The following ZNF697 variants were observed in gnomAD, a reference collection of about 807,000 sequenced individuals.
ZNF697 encodes zinc finger protein 697.
ZNF697 carries 23 observed loss-of-function variants against 32.4 expected under a neutral mutation model. The observed-to-expected ratio is 0.71, with a 90% CI of 0.51 to 1.01. The LOEUF is 1.01. ZNF697 is among the 50% of genes least tolerant of loss of function. The pLI, the probability that ZNF697 is intolerant of heterozygous loss-of-function variation, is 0.00. For synonymous variants in ZNF697, 418 were observed against 337.2 expected, an observed-to-expected ratio of 1.24 and a Z score of -2.62; for missense variants, 930 against 794.0, an observed-to-expected ratio of 1.17 and a Z score of -2.06.
At chr1:119,646,302 TAAC>T (rs970631845) in intron 1 of ZNF697, among the ~76,000 whole-genome samples, 17 of 139,648 alleles carry the variant, frequency 1.2e-4, no homozygotes, top group African/African-American at 4.5e-4. Context: ...AACTTTCCCT[TAAC>T]AACAACCCCC....
At position 119,623,877 on chromosome 1, in the gene ZNF697, C is replaced by A; in HGVS notation, c.466G>T (p.Asp156Tyr). The A allele has an allele frequency of 6.5e-7, 1 of 1,541,430 alleles. No homozygotes were observed. The highest frequency in any genetic ancestry group is 8.8e-7 in the Non-Finnish European group (1 of 1,141,024). ...HLSLGSRHRG[D>Y]KPAHRRFHRL... ...TGGAAGCGGCGGTGGGCGGGCTTGT[C>A]ACCTCGGTGCCGACTCCCCAGGGAG... is the stretch of plus-strand genomic sequence containing the variant. Residue 156 changes from aspartate (D) to tyrosine (Y), a missense_variant, in exon 3 of 3, where the codon GAC becomes TAC. Coordinates refer to ENST00000421812, the MANE Select transcript of ZNF697 (RefSeq NM_001080470.2).
rs1322642948 is a variant in ZNF697 at position 119,619,609 on chromosome 1, G to A, written c.*3096C>T. On this transcript the variant is annotated 3_prime_UTR_variant, in exon 3 of 3. Transcript: ENST00000421812. The stretch of plus-strand genomic sequence containing the variant: ...TTATTCACTATTTTAACAAACAGCT[G>A]TAAAATAACATTACAGTGAAGAAAA... The A allele has an allele frequency of 6.6e-6, 1 of 152,594 alleles. No individual in the cohort carries two copies. Among genetic ancestry groups the A allele is most frequent in the Non-Finnish European group, 1.5e-5 (1 of 68,030 alleles). The allele number at this position is 152,594 out of a possible 1,614,324, so 9.5% of individuals were successfully genotyped here. A position where few individuals can be genotyped will look rare whatever the true frequency, so the allele number is the denominator to read the frequency against.
rs1649257039 is a variant in ZNF697 at position 119,647,858 on chromosome 1, C to T, written c.-205G>A. 6.5e-6 allele frequency: 1 copy of T among 152,684 alleles called. No homozygotes were observed. Among genetic ancestry groups the T allele is most frequent in the Admixed American group, 6.5e-5 (1 of 15,288 alleles). 9.5% of individuals were successfully genotyped at this position (152,684 alleles called of 1,614,324 possible). On this transcript the variant is annotated 5_prime_UTR_variant, in exon 1 of 3. Transcript: ENST00000421812. ...CTCGCCACATACCCCTGAGGGAGCT[C>T]AGTCCTGGCTTTGGGGGCGCGAGAG...
Position 119,623,498 on chromosome 1 carries a change from A to T in ZNF697, c.845T>A (p.Leu282Gln). 6.4e-7 allele frequency: 1 copy of T among 1,569,546 alleles called. No homozygotes were observed. Among genetic ancestry groups the T allele is most frequent in the Admixed American group, 1.8e-5 (1 of 55,480 alleles). Residue 282 changes from leucine to glutamine, a missense_variant, in exon 3 of 3, where the codon CTG (leucine) becomes CAG (glutamine). Physicochemically the swap from Leu to Gln is moderately radical, Grantham distance 113. Transcript: ENST00000421812. ...RNTYLTNHLR[L>Q]HTGERPNLCA... ...CAGGTTGGGCCGCTCGCCCGTGTGC[A>T]GGCGCAGGTGGTTGGTCAGGTAGGT... is the stretch of plus-strand genomic sequence containing the variant.
chr1:119,625,788 G>A, intron 2 of ZNF697, 87 bp downstream of exon 2: 1 of 1,519,970 alleles, frequency 6.6e-7, no homozygotes, highest in Non-Finnish European at 8.9e-7. Context: ...CCCTTACAGA[G>A]AATGCTGTCG....
At chr1:119,630,759 G>A (rs1648738031) in intron 1 of ZNF697, among the ~76,000 whole-genome samples, 1 of 152,132 alleles carries the variant, frequency 6.6e-6, no homozygotes, top group Non-Finnish European at 1.5e-5. Flanking sequence ...CTACTTGGGA[G>A]GCTGAGGCAG....
rs147340705 is a variant in ZNF697 at position 119,645,558 on chromosome 1, G to A, written c.-38+2133C>T. On this transcript the variant is annotated intron_variant, in intron 1 of 2. Coordinates refer to ENST00000421812, the MANE Select transcript of ZNF697 (RefSeq NM_001080470.2). ...GCATGGGGTTCAACCGGACAGTCACGGAGGTAGAAGAATGTCTGTTGCATC... is the reference window on the plus strand; with the variant it reads ...GCATGGGGTTCAACCGGACAGTCACAGAGGTAGAAGAATGTCTGTTGCATC... Among the ~76,000 whole-genome samples the A allele has an allele frequency of 2.9e-4, 44 of 152,296 alleles. 1 individual carries two copies. Among genetic ancestry groups the A allele is most frequent in the Middle Eastern group, 3.4e-3 (1 of 294 alleles).
At chr1:119,634,366 C>T (rs867274966) in intron 1 of ZNF697, among the ~76,000 whole-genome samples, 8 of 152,292 alleles carry the variant, frequency 5.3e-5, no homozygotes, top group South Asian at 2.1e-4. Context: ...GAATGGCTGG[C>T]GTGTTCCAGC....
At chr1:119,630,317 A>C (rs1025429783) in intron 1 of ZNF697, among the ~76,000 whole-genome samples, 1 of 152,256 alleles carries the variant, frequency 6.6e-6, no homozygotes, top group Non-Finnish European at 1.5e-5. Flanking sequence ...GTTTCATTAG[A>C]CATTTCCAGC....
At chr1:119,627,407 C>T (rs139162278) in intron 1 of ZNF697, among the ~76,000 whole-genome samples, 11 of 152,330 alleles carry the variant, frequency 7.2e-5, no homozygotes, top group African/African-American at 2.6e-4. Context: ...CTTACTGTTC[C>T]AGTGTCCTCA....
At position 119,634,012 on chromosome 1, in the gene ZNF697, G is replaced by A. The variant is rs587755469; in HGVS notation, c.-37-7875C>T. Among the ~76,000 whole-genome samples, 8 of 152,294 alleles carry A rather than the reference G, an allele frequency of 5.3e-5. No individual in the cohort carries two copies. In the South Asian group the frequency reaches 1.5e-3, roughly 28 times the overall value. On this transcript the variant is annotated intron_variant, in intron 1 of 2. Transcript: ENST00000421812. Reference sequence around the variant, plus strand: ...TCACTGAAGGACAAAAGAGAAAACAGGTTAAGACTGCACCAGGGGTTTATG... The same window carrying A: ...TCACTGAAGGACAAAAGAGAAAACAAGTTAAGACTGCACCAGGGGTTTATG...
At chr1:119,637,506 C>T (rs1648956031) in intron 1 of ZNF697, among the ~76,000 whole-genome samples, 1 of 152,198 alleles carries the variant, frequency 6.6e-6, no homozygotes, top group South Asian at 2.1e-4. Context: ...GATGGGGCCA[C>T]CCTTCAGATT....
At chr1:119,646,571 C>T (rs999470423) in intron 1 of ZNF697, among the ~76,000 whole-genome samples, 2 of 152,172 alleles carry the variant, frequency 1.3e-5, no homozygotes, top group African/African-American at 4.8e-5. Flanking sequence ...GCTCAGGGCT[C>T]TCTCCATGTC....
intron 1 of ZNF697, 61 bp from the exon 2 acceptor site, chr1:119,626,198 C>T (rs2101081744): frequency 1.3e-6 from 2 of 1,538,718 alleles, no homozygotes; most frequent in Non-Finnish European, 8.7e-7. Context: ...TCACCACGCC[C>T]AGCCTTAATT....
intron 1 of ZNF697, among the ~76,000 whole-genome samples, chr1:119,643,522 A>G (rs1408938891): frequency 1.3e-5 from 2 of 152,116 alleles, no homozygotes; most frequent in African/African-American, 4.8e-5. Flanking sequence ...GAAGCTACTG[A>G]TCTTTTAACC....
intron 1 of ZNF697, among the ~76,000 whole-genome samples, chr1:119,639,460 C>A (rs1485723243): frequency 6.6e-6 from 1 of 152,170 alleles, no homozygotes; most frequent in Non-Finnish European, 1.5e-5. Context: ...TAACCCCAGC[C>A]CAAAAGGGTT....
chr1:119,623,314 G>A lies in ZNF697; in HGVS notation c.1029C>T (p.Ser343=), dbSNP rs1204080533. Residue 343 remains serine, a synonymous_variant, in exon 3 of 3, where the codon AGC becomes AGT. Coordinates refer to ENST00000421812, the MANE Select transcript of ZNF697 (RefSeq NM_001080470.2). ...GCCGCAGCGCCGCCGCCCCCGCGCCGCTGGCCGCCGCGTGCGCGCGCCGGT... is the reference window on the plus strand; with the variant it reads ...GCCGCAGCGCCGCCGCCCCCGCGCCACTGGCCGCCGCGTGCGCGCGCCGGT... ...LSHRRAHAAA[S]GAGAAALRPF... is the part of the protein sequence containing the mutation. 2.3e-6 allele frequency: 3 copies of A among 1,302,990 alleles called. No individual in the cohort carries two copies. Among genetic ancestry groups the A allele is most frequent in the African/African-American group, 1.6e-5 (1 of 61,318 alleles). The allele number at this position is 1,302,990 out of a possible 1,614,324, so 80.7% of individuals were successfully genotyped here.
chr1:119,645,973 G>GT (rs960422570), intron 1 of ZNF697, among the ~76,000 whole-genome samples: 2 of 151,988 alleles, frequency 1.3e-5, no homozygotes, highest in African/African-American at 4.8e-5. Context: ...CAGGACACTA[G>GT]TAATTAGGCA....
At chr1:119,642,980 T>C (rs1339976042) in intron 1 of ZNF697, among the ~76,000 whole-genome samples, 1 of 152,246 alleles carries the variant, frequency 6.6e-6, no homozygotes, top group Non-Finnish European at 1.5e-5. Flanking sequence ...CTTCCTATAG[T>C]GCCCTGCTAA....
Sources: gnomAD v4.1 joint callset for allele counts (sites outside exome capture counted in the v4.1 genomes callset) on GRCh38, gnomAD v4.1.1 for gene constraint, MANE v1.5 for transcripts, NCBI Gene and HGNC (gene_info 2026-07-23, HGNC 2026-07-21) for gene names.